The following BAIAP2L1 variants were observed in gnomAD, a reference collection of about 807,000 sequenced individuals.
The protein encoded by BAIAP2L1 is BAR/IMD domain containing adaptor protein 2 like 1.
BAIAP2L1 carries 35 observed loss-of-function variants against 66.3 expected under a neutral mutation model. The ratio of observed to expected loss-of-function variants is 0.53; its 90% CI spans 0.40 to 0.70. The LOEUF (loss-of-function observed/expected upper bound fraction) is 0.70. Ranked by LOEUF, BAIAP2L1 falls within the 30% of genes least tolerant of loss-of-function variation. The pLI, the probability that BAIAP2L1 is intolerant of heterozygous loss-of-function variation, is 0.00. For missense variants in BAIAP2L1, 622 were observed against 656.9 expected, an observed-to-expected ratio of 0.95 and a Z score of 0.58; for synonymous variants, 269 against 248.7, an observed-to-expected ratio of 1.08 and a Z score of -0.77.
chr7:98,366,032 G>C (rs1802383202), intron 1 of BAIAP2L1, among the ~76,000 whole-genome samples: 1 of 152,204 alleles, frequency 6.6e-6, no homozygotes. Flanking sequence ...GCACAGGGTA[G>C]TGGCTGACTT....
intron 3 of BAIAP2L1, among the ~76,000 whole-genome samples, chr7:98,339,533 C>G (rs371714127): frequency 2.6e-5 from 4 of 152,342 alleles, no homozygotes; most frequent in East Asian, 1.9e-4. Context: ...TCTAACCCCC[C>G]ACCAGAACTG....
chr7:98,366,180 G>A (rs966651349), intron 1 of BAIAP2L1, among the ~76,000 whole-genome samples: 5 of 152,120 alleles, frequency 3.3e-5, no homozygotes, highest in South Asian at 2.1e-4. Context: ...GAAGGGGGCC[G>A]GGACTGGACA....
intron 1 of BAIAP2L1, among the ~76,000 whole-genome samples, chr7:98,374,855 G>A (rs138093876): frequency 0.02 from 2,995 of 152,216 alleles, 104 homozygotes; most frequent in African/African-American, 0.069. Context: ...GGAGGCCAAG[G>A]TGGGAGGATC....
At chr7:98,364,363 T>G (rs1286554022) in intron 1 of BAIAP2L1, among the ~76,000 whole-genome samples, 1 of 151,924 alleles carries the variant, frequency 6.6e-6, no homozygotes, top group Non-Finnish European at 1.5e-5. Context: ...ATTTTTCAAA[T>G]GTACAAAACT....
intron 1 of BAIAP2L1, among the ~76,000 whole-genome samples, chr7:98,393,697 C>T (rs2115855106): frequency 6.6e-6 from 1 of 150,558 alleles, no homozygotes; most frequent in African/African-American, 2.4e-5. Flanking sequence ...CGGGGTTTCA[C>T]TGTGGTCTTG....
At chr7:98,346,025 T>C (rs980310603) in intron 3 of BAIAP2L1, among the ~76,000 whole-genome samples, 1 of 152,218 alleles carries the variant, frequency 6.6e-6, no homozygotes, top group Admixed American at 6.5e-5. Context: ...GGGTTTCTTT[T>C]TGCGGTGATG....
intron 9 of BAIAP2L1, chr7:98,308,605 G>A (rs1006717224): frequency 1.2e-5 from 3 of 250,514 alleles, no homozygotes; most frequent in Non-Finnish European, 2.4e-5. Context: ...AGGCTGTGCT[G>A]TTCATGTCTC....
At chr7:98,337,746 T>C (rs1462287140) in intron 3 of BAIAP2L1, among the ~76,000 whole-genome samples, 2 of 151,904 alleles carry the variant, frequency 1.3e-5, no homozygotes, top group Non-Finnish European at 2.9e-5. Context: ...TGAAACCCCA[T>C]CTCTAATAAA....
At chr7:98,294,193 A>G (rs1800088973) in intron 12 of BAIAP2L1, 82 bp from the exon 13 acceptor site, 2 of 1,472,080 alleles carry the variant, frequency 1.4e-6, no homozygotes, top group Middle Eastern at 1.8e-4. Context: ...GGGATTTGCT[A>G]TGTTGCCCAG....
intron 1 of BAIAP2L1, among the ~76,000 whole-genome samples, chr7:98,368,430 A>C (rs191515224): frequency 6.6e-6 from 1 of 152,184 alleles, no homozygotes; most frequent in Non-Finnish European, 1.5e-5. Flanking sequence ...AAAACAAAAC[A>C]AAACAAAACA....
intron 2 of BAIAP2L1, among the ~76,000 whole-genome samples, chr7:98,356,211 G>A (rs919529279): frequency 6.6e-6 from 1 of 152,192 alleles, no homozygotes; most frequent in African/African-American, 2.4e-5. Flanking sequence ...GTGAGTGACA[G>A]ATGAACAAAT....
At chr7:98,341,136 G>GA (rs1441830232) in intron 3 of BAIAP2L1, among the ~76,000 whole-genome samples, 2 of 151,626 alleles carry the variant, frequency 1.3e-5, no homozygotes, top group African/African-American at 2.4e-5. Flanking sequence ...TTGCTTCCAG[G>GA]AAAAAAATTA....
intron 7 of BAIAP2L1, among the ~76,000 whole-genome samples, chr7:98,313,982 CTTTTTTTT>C (rs35599338): frequency 4.0e-5 from 4 of 100,940 alleles, no homozygotes; most frequent in African/African-American, 7.4e-5. Context: ...CTTTTTCTTC[CTTTTTTTT>C]TTTTTTTTTT....
intron 3 of BAIAP2L1, among the ~76,000 whole-genome samples, chr7:98,330,029 C>T (rs866813039): frequency 3.3e-5 from 5 of 152,138 alleles, no homozygotes; most frequent in Admixed American, 6.6e-5. Flanking sequence ...CTTCCTCTAT[C>T]GTTAAATCCA....
intron 12 of BAIAP2L1, among the ~76,000 whole-genome samples, chr7:98,303,541 G>A (rs1426791168): frequency 6.6e-6 from 1 of 152,132 alleles, no homozygotes; most frequent in Non-Finnish European, 1.5e-5. Flanking sequence ...TTTATTGTCT[G>A]CTTCCTATCA....
intron 9 of BAIAP2L1, chr7:98,308,470 C>T (rs956663489): frequency 3.3e-5 from 12 of 365,034 alleles, no homozygotes; most frequent in East Asian, 2.2e-4. Context: ...GCTGCCATCC[C>T]GCCAGGCTCC....
chr7:98,309,371 TCTCGAA>T (rs1461370784), intron 9 of BAIAP2L1: 7 of 152,064 alleles, frequency 4.6e-5, no homozygotes, highest in African/African-American at 1.4e-4. Flanking sequence ...GCCAGGCTGG[TCTCGAA>T]CTCCTGACAT....
intron 10 of BAIAP2L1, chr7:98,306,771 G>A (rs545706584): frequency 3.5e-5 from 17 of 479,672 alleles, no homozygotes; most frequent in Middle Eastern, 6.2e-4. Flanking sequence ...GCAGTGGTGC[G>A]ATCATAGCTC....
At chr7:98,324,653 G>T (rs1019780240) in intron 3 of BAIAP2L1, among the ~76,000 whole-genome samples, 5 of 152,024 alleles carry the variant, frequency 3.3e-5, no homozygotes, top group African/African-American at 1.2e-4. Context: ...TTCAAGACCA[G>T]CCTGGGCAAC....
Sources: allele counts gnomAD v4.1 joint callset (sites outside exome capture counted in the v4.1 genomes callset), GRCh38; gene constraint gnomAD v4.1.1; transcripts MANE v1.5; gene names NCBI Gene and HGNC (gene_info 2026-07-23, HGNC 2026-07-21).